The following FLT4 variants were observed in gnomAD, a reference collection of about 807,000 sequenced individuals.
FLT4 encodes vascular endothelial growth factor receptor 3.
In FLT4, 30 loss-of-function variants were observed where a neutral mutation model predicts 163.2. The ratio of observed to expected loss-of-function variants is 0.18; its 90% CI spans 0.14 to 0.25. The LOEUF is 0.25. FLT4 is among the 10% of genes least tolerant of loss of function. FLT4 has a pLI of 1.00. For synonymous variants in FLT4, 884 were observed against 789.5 expected (o/e 1.12, Z -2.01); for missense variants, 1,510 against 1,863.8 (o/e 0.81, Z 3.50).
Position 180,616,376 on chromosome 5 carries a change from G to T in FLT4, c.3210C>A (p.Arg1070=), listed in dbSNP as rs1762688812. The change falls in exon 23 of 30, where the codon CGC becomes CGA. Residue 1070 remains arginine (R), a synonymous_variant. Transcript: ENST00000261937. ...RDIYKDPDYV[R]KGSARLPLKW... is the part of the protein sequence containing the mutation. ...AATGGCCTGCACTCACACTGCCCTT[G>T]CGGACGTAGTCGGGGTCTTTGTAGA... is the stretch of plus-strand genomic sequence containing the variant. The T allele has an allele frequency of 6.2e-7, 1 of 1,613,972 alleles. No homozygotes were observed. The highest frequency in any genetic ancestry group is 8.5e-7 in the Non-Finnish European group (1 of 1,179,990).
At chr5:180,634,991 A>T (rs942649730) in intron 1 of FLT4, among the ~76,000 whole-genome samples, 79 of 334 alleles carry the variant, frequency 0.24, 23 homozygotes, top group East Asian at 1. Context: ...GGTGGCTGAG[A>T]GGATGGATGC....
At chr5:180,608,224 T>A in intron 29 of FLT4, 1 of 700,826 alleles carries the variant, frequency 1.4e-6, no homozygotes, top group South Asian at 1.5e-5. Context: ...TTGATCTTTC[T>A]TATAAGTGCA....
Position 180,603,131 on chromosome 5 carries a change from G to T in FLT4, c.*61C>A. ...GATGAGTTCCCAGCCTGGGCCTCCA[G>T]CCCTCTGCCCGCCCTGCCGGGCCTG... On this transcript the variant is annotated 3_prime_UTR_variant, in exon 30 of 30. Transcript: ENST00000261937. 1 of 1,548,494 alleles carries T rather than the reference G, an allele frequency of 6.5e-7. No homozygotes were observed. The highest frequency in any genetic ancestry group is 8.9e-7 in the Non-Finnish European group (1 of 1,124,918).
At chr5:180,619,448 G>A (rs759499710) in intron 18 of FLT4, 82 bp from the exon 19 acceptor site, 6 of 1,110,794 alleles carry the variant, frequency 5.4e-6, no homozygotes, top group Non-Finnish European at 8.2e-6. Context: ...GGGAGGGGGA[G>A]GGTTACTAAG....
chr5:180,607,473 T>TA (rs921732039), intron 29 of FLT4, among the ~76,000 whole-genome samples: 5 of 150,870 alleles, frequency 3.3e-5, no homozygotes, highest in Non-Finnish European at 7.4e-5. Flanking sequence ...CGGTCTCTAC[T>TA]AAAAAAAATA....
At position 180,620,287 on chromosome 5, in the gene FLT4, T is replaced by C; in HGVS notation, c.2428A>G (p.Thr810Ala). ...MRRPAHADIKTGYLSIIMDPG... is the reference protein window; with the variant it reads ...MRRPAHADIKAGYLSIIMDPG... The stretch of plus-strand genomic sequence containing the variant: ...TCCATGATGATGGACAGGTAGCCCG[T>C]CTTGATGTCTGCGTGGGCCGGCTGC... The change falls in exon 17 of 30, where the codon ACG becomes GCG. Residue 810 changes from threonine to alanine, a missense_variant. Thr to Ala is a moderately conservative substitution (Grantham distance 58). Around this residue, in one of 5 missense-constraint regions of FLT4, gnomAD observed 878 missense variants for 1,016.7 expected, o/e 0.86. Transcript: ENST00000261937. The surrounding 1 kb of genome is among the most constrained non-coding windows in gnomAD (Gnocchi z 4.4). The C allele has an allele frequency of 1.2e-6, 2 of 1,611,832 alleles. No individual in the cohort carries two copies. Among genetic ancestry groups the C allele is most frequent in the Non-Finnish European group, 1.7e-6 (2 of 1,179,918 alleles).
At chr5:180,626,465 C>T (rs969709092) in intron 8 of FLT4, among the ~76,000 whole-genome samples, 200 bp from the exon 9 acceptor site, 4 of 152,302 alleles carry the variant, frequency 2.6e-5, no homozygotes, top group South Asian at 2.1e-4. Flanking sequence ...GTGTGACAAC[C>T]GTGTCAGGCG....
Position 180,611,335 on chromosome 5 carries a change from C to A in FLT4, c.3682G>T (p.Ala1228Ser). 6.2e-7 allele frequency: 1 copy of A among 1,613,816 alleles called. No individual in the cohort carries two copies. Among genetic ancestry groups the A allele is most frequent in the Non-Finnish European group, 8.5e-7 (1 of 1,179,970 alleles). ...TGGACCTGCAGGACAGCTGACCTGG[C>A]GGCCAGGCTGTGGCGCTGCAGGCTT... is the stretch of plus-strand genomic sequence containing the variant. ...PPSLQRHSLAARYYNWVSFPG... is the reference protein window; with the variant it reads ...PPSLQRHSLASRYYNWVSFPG... Residue 1228 changes from alanine to serine, a missense_variant, in exon 27 of 30, where the codon GCC becomes TCC. Around this residue, in one of 5 missense-constraint regions of FLT4, gnomAD observed 295 missense variants for 311.0 expected, o/e 0.95. Transcript: ENST00000261937.
Position 180,620,512 on chromosome 5 carries a change from G to T in FLT4, c.2406+97C>A. On this transcript the variant is annotated intron_variant, in intron 16 of 29. Coordinates refer to ENST00000261937, the MANE Select transcript of FLT4 (RefSeq NM_182925.5). This position sits in a 1 kb window ranked among gnomAD's most constrained non-coding sequence, Gnocchi z 4.4. ...GGCTTCCCAGGAAACAAGGCTGCCA[G>T]GTGAACTAGGGCGGGCACCTTATTC... 1 of 1,194,418 alleles carries T rather than the reference G, an allele frequency of 8.4e-7. No individual in the cohort carries two copies. Among genetic ancestry groups the T allele is most frequent in the Non-Finnish European group, 1.2e-6 (1 of 811,928 alleles). The allele number at this position is 1,194,418 out of a possible 1,614,324, so 74.0% of individuals were successfully genotyped here. A position where few individuals can be genotyped will look rare whatever the true frequency, so the allele number is the denominator to read the frequency against.
chr5:180,648,123 C>T (rs962466882), intron 1 of FLT4, among the ~76,000 whole-genome samples: 1 of 152,202 alleles, frequency 6.6e-6, no homozygotes, highest in African/African-American at 2.4e-5. Flanking sequence ...GCAGTCCAAC[C>T]AAGGTCTACC....
In FLT4 at chr5:180,619,495, A is replaced by C. The variant is rs781477044; in HGVS notation, c.2648-129T>G. 4,582 of 700,188 alleles carry C rather than the reference A, an allele frequency of 6.5e-3. 22 individuals carry two copies. The highest frequency in any genetic ancestry group is 8.9e-3 in the Non-Finnish European group (3,827 of 432,126). 43.4% of individuals were successfully genotyped at this position (700,188 alleles called of 1,614,324 possible). A position where few individuals can be genotyped will look rare whatever the true frequency, so the allele number is the denominator to read the frequency against. Reference sequence around the variant, plus strand: ...CATCCTGCCGGCCCCACTGAGGCAGAGGGGGTTCGGGTGGTCCCTCGGCTC... The same window carrying C: ...CATCCTGCCGGCCCCACTGAGGCAGCGGGGGTTCGGGTGGTCCCTCGGCTC... On this transcript the variant is annotated intron_variant, in intron 18 of 29. Transcript: ENST00000261937.
intron 8 of FLT4, among the ~76,000 whole-genome samples, chr5:180,628,437 C>T (rs1461030836): frequency 1.3e-5 from 2 of 152,246 alleles, no homozygotes; most frequent in African/African-American, 4.8e-5. Flanking sequence ...AGCACAGGCC[C>T]AGCCCAGGCA....
At chr5:180,627,073 GCAGATGCCTCAGCCC>G (rs1229192724) in intron 8 of FLT4, among the ~76,000 whole-genome samples, 31 of 152,260 alleles carry the variant, frequency 2.0e-4, no homozygotes, top group Non-Finnish European at 4.0e-4. Context: ...ACGTGAGGAA[GCAGATGCCTCAGCCC>G]CAGAGGGTGT....
At chr5:180,634,749 G>T (rs1417897126) in intron 1 of FLT4, among the ~76,000 whole-genome samples, 5 of 135,740 alleles carry the variant, frequency 3.7e-5, no homozygotes, top group East Asian at 2.1e-4. Context: ...GAAACGGGAT[G>T]GATGAATGAT....
At position 180,620,525 on chromosome 5, in the gene FLT4, G is replaced by A. The variant is rs1298990874; in HGVS notation, c.2406+84C>T. ...ACAAGGCTGCCAGGTGAACTAGGGC[G>A]GGCACCTTATTCTTTATCTTAGGGG... On this transcript the variant is annotated intron_variant, in intron 16 of 29. Transcript: ENST00000261937. The surrounding 1 kb of genome is among the most constrained non-coding windows in gnomAD (Gnocchi z 4.4). 20 of 1,236,374 alleles carry A rather than the reference G, an allele frequency of 1.6e-5. 1 individual carries two copies. The highest frequency in any genetic ancestry group is 1.1e-4 in the Admixed American group (6 of 54,108). 76.6% of individuals were successfully genotyped at this position (1,236,374 alleles called of 1,614,324 possible).
chr5:180,635,995 G>A (rs1764664246), intron 1 of FLT4, among the ~76,000 whole-genome samples: 1 of 150,556 alleles, frequency 6.6e-6, no homozygotes, highest in Non-Finnish European at 1.5e-5. Flanking sequence ...GTGGAAGGAT[G>A]AATGGATGGA....
At chr5:180,624,750 C>T (rs1763467632) in intron 10 of FLT4, among the ~76,000 whole-genome samples, 1 of 152,250 alleles carries the variant, frequency 6.6e-6, no homozygotes, top group African/African-American at 2.4e-5. Flanking sequence ...TGCCCAGCCT[C>T]TCCCTCTCTC....
chr5:180,633,966 G>A (rs1438149198), intron 1 of FLT4, among the ~76,000 whole-genome samples: 3 of 152,134 alleles, frequency 2.0e-5, no homozygotes, highest in African/African-American at 7.2e-5. Flanking sequence ...TGCACATCCA[G>A]CAGACACCTT....
At position 180,602,735 on chromosome 5, in the gene FLT4, GC is replaced by G; in HGVS notation, c.*456del. 2.2e-6 allele frequency: 1 copy of G among 459,496 alleles called. No individual in the cohort carries two copies. Among genetic ancestry groups the G allele is most frequent in the Non-Finnish European group, 3.8e-6 (1 of 262,364 alleles). 28.5% of individuals were successfully genotyped at this position (459,496 alleles called of 1,614,324 possible). On this transcript the variant is annotated 3_prime_UTR_variant, in exon 30 of 30. Coordinates refer to ENST00000261937, the MANE Select transcript of FLT4 (RefSeq NM_182925.5). ...CCAGCCAGCCCTCGTGGGGAGAGTA[GC>G]TGTGTGCCTGAGGAGGAAAGGGCGT...
Sources: gnomAD v4.1 joint callset for allele counts (sites outside exome capture counted in the v4.1 genomes callset) on GRCh38, gnomAD v4.1.1 for gene constraint, gnomAD v4.1.1 regional missense constraint, Gnocchi (gnomAD v3.1) non-coding constraint, MANE v1.5 for transcripts, NCBI Gene and HGNC (gene_info 2026-07-23, HGNC 2026-07-21) for gene names.